Variants in RIMKLB observed in about 807,000 individuals in gnomAD.
RIMKLB encodes ribosomal modification protein rimK like family member B, also known as beta-citrylglutamate synthase B.
A neutral mutation model predicts 32.0 loss-of-function variants in RIMKLB; 7 were observed. That is an observed-to-expected ratio of 0.22 (90% CI 0.12 to 0.41). The LOEUF is 0.41. RIMKLB is among the 10% of genes least tolerant of loss of function. RIMKLB has a pLI of 1.00. For missense variants in RIMKLB, 289 were observed against 498.7 expected (o/e 0.58, Z 4.00); for synonymous variants, 172 against 185.1 (o/e 0.93, Z 0.57).
intron 2 of RIMKLB, among the ~76,000 whole-genome samples, chr12:8,732,288 A>C (rs1946613884): frequency 6.6e-6 from 1 of 152,078 alleles, no homozygotes. Context: ...GCCATTGATC[A>C]AGACTTTAGT....
chr12:8,722,945 A>G (rs186317756), intron 2 of RIMKLB, among the ~76,000 whole-genome samples: 1 of 152,366 alleles, frequency 6.6e-6, no homozygotes, highest in East Asian at 1.9e-4. Context: ...CCTTAAGGGA[A>G]TGTTGTGGCT....
At chr12:8,720,130 G>C (rs1265267245) in intron 2 of RIMKLB, among the ~76,000 whole-genome samples, 1 of 152,154 alleles carries the variant, frequency 6.6e-6, no homozygotes. Context: ...ATAGAGTCCG[G>C]ATTTGAGCCA....
At chr12:8,687,169 A>G (rs556978232) in intron 1 of RIMKLB, among the ~76,000 whole-genome samples, 2 of 152,246 alleles carry the variant, frequency 1.3e-5, no homozygotes, top group Non-Finnish European at 2.9e-5. Context: ...TGAATTTCAG[A>G]TAAACAATAT....
exon 8 of RIMKLB, chr12:8,782,943 C>T (rs1445159925): frequency 6.6e-6 from 1 of 151,954 alleles, no homozygotes; most frequent in Non-Finnish European, 1.5e-5. Flanking sequence ...ATCTTTTTTG[C>T]TTACCCTCAT....
In RIMKLB at chr12:8,774,870, GTA is replaced by G; in HGVS notation, c.*1090_*1091del. 1 of 985,586 alleles carries G rather than the reference GTA, an allele frequency of 1.0e-6. No individual in the cohort carries two copies. The highest frequency in any genetic ancestry group is 1.2e-6 in the Non-Finnish European group (1 of 829,824). 61.1% of individuals were successfully genotyped at this position (985,586 alleles called of 1,614,324 possible). A position where few individuals can be genotyped will look rare whatever the true frequency, so the allele number is the denominator to read the frequency against. Reference sequence around the variant, plus strand: ...TGCATTTTTCACATTTTACGAGGGAGTATATGTGTATGTGTGTGCACGCATGC... The same window carrying G: ...TGCATTTTTCACATTTTACGAGGGAGTATGTGTATGTGTGTGCACGCATGC... On this transcript the variant is annotated 3_prime_UTR_variant, in exon 6 of 6. Coordinates refer to ENST00000535829, the MANE Select transcript of RIMKLB (RefSeq NM_001297776.2).
At chr12:8,767,839 T>A (rs1294728251) in intron 5 of RIMKLB, among the ~76,000 whole-genome samples, 1 of 152,180 alleles carries the variant, frequency 6.6e-6, no homozygotes, top group Non-Finnish European at 1.5e-5. Context: ...ATGCTAATTA[T>A]TTTTAACCAG....
chr12:8,777,969 G>A (rs1203698257), downstream of RIMKLB, among the ~76,000 whole-genome samples: 3 of 152,148 alleles, frequency 2.0e-5, no homozygotes, highest in Admixed American at 6.5e-5. Flanking sequence ...AAGAGCTTTT[G>A]GGGGTAAAGT....
rs566930227 is a variant in RIMKLB at position 8,710,002 on chromosome 12, GT to G, written c.-56-3805del. ...AAAAATGTGGTTTTTGTTTTGTTTT[GT>G]TTTGAGATGGAGTCTTGCTGTTTTC... On this transcript the variant is annotated intron_variant, in intron 1 of 5. Coordinates refer to ENST00000535829, the MANE Select transcript of RIMKLB (RefSeq NM_001297776.2). 1.1e-4 allele frequency among the ~76,000 whole-genome samples: 17 copies of G among 152,114 alleles called. No individual in the cohort carries two copies. The South Asian group carries it at 3.5e-3, about 32-fold the overall frequency.
intron 2 of RIMKLB, among the ~76,000 whole-genome samples, chr12:8,739,607 G>T (rs1947314587): frequency 6.6e-6 from 1 of 152,146 alleles, no homozygotes; most frequent in Non-Finnish European, 1.5e-5. Context: ...AGTAGCTGGG[G>T]CTATAGGCAT....
chr12:8,777,554 A>G (rs1461239689), downstream of RIMKLB: 3 of 1,263,064 alleles, frequency 2.4e-6, no homozygotes, highest in Admixed American at 2.5e-5. Flanking sequence ...TTAAAGAAAT[A>G]TTCTAACTGC....
chr12:8,713,862 T>A lies in RIMKLB; in HGVS notation c.-5T>A. ...ATCCAGGCAAGGAAGCACAAGCTGA[T>A]CAAGATGTGTAGTTCTGTGGCTGCC... On this transcript the variant is annotated 5_prime_UTR_variant, in exon 2 of 6. Coordinates refer to ENST00000535829, the MANE Select transcript of RIMKLB (RefSeq NM_001297776.2). 1 of 1,614,038 alleles carries A rather than the reference T, an allele frequency of 6.2e-7. No individual in the cohort carries two copies. The highest frequency in any genetic ancestry group is 8.5e-7 in the Non-Finnish European group (1 of 1,179,936).
rs531900677 is a variant in RIMKLB at position 8,775,114 on chromosome 12, C to T, written c.*1330C>T. On this transcript the variant is annotated 3_prime_UTR_variant, in exon 6 of 6. Transcript: ENST00000535829. ...TATATGTACGTTGTTTGTTTTTTTC[C>T]TTTTGTTTCTAGCCTGTTCAGTGTA... The T allele has an allele frequency of 2.8e-3, 2,765 of 985,182 alleles. 8 individuals carry two copies. Among genetic ancestry groups the T allele is most frequent in the Non-Finnish European group, 3.1e-3 (2,591 of 829,722 alleles). 61.0% of individuals were successfully genotyped at this position (985,182 alleles called of 1,614,324 possible). A position where few individuals can be genotyped will look rare whatever the true frequency, so the allele number is the denominator to read the frequency against.
Position 8,776,941 on chromosome 12 carries a change from T to G in RIMKLB, c.*3157T>G. 2 of 985,846 alleles carry G rather than the reference T, an allele frequency of 2.0e-6. No homozygotes were observed. The highest frequency in any genetic ancestry group is 3.5e-5 in the African/African-American group (2 of 57,350). The allele number at this position is 985,846 out of a possible 1,614,324, so 61.1% of individuals were successfully genotyped here. On this transcript the variant is annotated 3_prime_UTR_variant, in exon 6 of 6. Coordinates refer to ENST00000535829, the MANE Select transcript of RIMKLB (RefSeq NM_001297776.2). Reference sequence around the variant, plus strand: ...ATTCAGTGAATCCCCAGTTTGGGGCTTGTGGGGCTTAGAGACATTGTGAAA... The same window carrying G: ...ATTCAGTGAATCCCCAGTTTGGGGCGTGTGGGGCTTAGAGACATTGTGAAA...
chr12:8,697,995 C>T lies in RIMKLB; in HGVS notation c.-359C>T, dbSNP rs181017454. The stretch of plus-strand genomic sequence containing the variant: ...TGAGCGGGGTCGCGCGCGCGCGCGG[C>T]AGGCGAGTGAGGGAACGAGGAGCGG... On this transcript the variant is annotated 5_prime_UTR_variant, in exon 1 of 6. Coordinates refer to ENST00000535829, the MANE Select transcript of RIMKLB (RefSeq NM_001297776.2). 8.7e-4 allele frequency: 142 copies of T among 162,614 alleles called. 2 individuals carry two copies. In the East Asian group the frequency reaches 0.016, roughly 18 times the overall value. The allele number at this position is 162,614 out of a possible 1,614,324, so 10.1% of individuals were successfully genotyped here.
intron 5 of RIMKLB, among the ~76,000 whole-genome samples, chr12:8,765,061 A>G (rs1173845709): frequency 6.6e-6 from 1 of 151,480 alleles, no homozygotes; most frequent in Non-Finnish European, 1.5e-5. Flanking sequence ...ACACTTCTGA[A>G]GTTTTTTTCT....
Position 8,768,003 on chromosome 12 carries a change from C to T in RIMKLB, c.698-5318C>T, listed in dbSNP as rs373458219. 4.2e-4 allele frequency among the ~76,000 whole-genome samples: 64 copies of T among 152,276 alleles called. 2 individuals are homozygous for T. Among genetic ancestry groups the T allele is most frequent in the African/African-American group, 1.4e-3 (60 of 41,556 alleles). ...CTTGTGCCTAGAGTTCCCAAGATGGCGGCAGGGCCACTTCCAATATGGCGG... is the reference window on the plus strand; with the variant it reads ...CTTGTGCCTAGAGTTCCCAAGATGGTGGCAGGGCCACTTCCAATATGGCGG... On this transcript the variant is annotated intron_variant, in intron 5 of 5. Coordinates refer to ENST00000535829, the MANE Select transcript of RIMKLB (RefSeq NM_001297776.2).
At chr12:8,693,206 T>A (rs1016503521), upstream of RIMKLB, among the ~76,000 whole-genome samples, 2 of 152,188 alleles carry the variant, frequency 1.3e-5, no homozygotes, top group Non-Finnish European at 2.9e-5. Context: ...TTTTTCTGGC[T>A]GATGTAGATA....
In RIMKLB at chr12:8,732,981, A is replaced by C. The variant is rs575592358; in HGVS notation, c.176-16881A>C. ...ACGTTTGTGTTGTTTCCAGTTTGCA[A>C]CTTTGAATAAGTCAGCTATAAACAA... On this transcript the variant is annotated intron_variant, in intron 2 of 5. Transcript: ENST00000535829. Among the ~76,000 whole-genome samples, 37 of 152,274 alleles carry C rather than the reference A, an allele frequency of 2.4e-4. 1 individual carries two copies. In the South Asian group the frequency reaches 7.2e-3, roughly 30 times the overall value.
At chr12:8,742,287 T>C (rs912973866) in intron 2 of RIMKLB, 3 of 156,628 alleles carry the variant, frequency 1.9e-5, no homozygotes, top group Admixed American at 1.3e-4. Context: ...AGGGAAAGCA[T>C]GTGGATTTTA....
Sources: allele counts gnomAD v4.1 joint callset (sites outside exome capture counted in the v4.1 genomes callset), GRCh38; gene constraint gnomAD v4.1.1; transcripts MANE v1.5; gene names NCBI Gene and HGNC (gene_info 2026-07-23, HGNC 2026-07-21).